The following RAB3C variants were observed in gnomAD, a reference collection of about 807,000 sequenced individuals.
The protein encoded by RAB3C is ras-related protein Rab-3C.
A neutral mutation model predicts 26.4 loss-of-function variants in RAB3C; 17 were observed. That is an observed-to-expected ratio of 0.64 (90% CI 0.44 to 0.97). The LOEUF (loss-of-function observed/expected upper bound fraction) is 0.97. Among genes scored for constraint, RAB3C ranks in the 50% least tolerant of loss-of-function variants. The probability of loss-of-function intolerance (pLI) is 0.00; values close to 1 mark genes in which losing one functional copy is unlikely to be tolerated. For missense variants in RAB3C, 242 were observed against 281.9 expected (o/e 0.86, Z 1.01); for synonymous variants, 91 against 95.9 (o/e 0.95, Z 0.30).
At chr5:58,618,972 G>T (rs542613257) in intron 2 of RAB3C, among the ~76,000 whole-genome samples, 2 of 152,000 alleles carry the variant, frequency 1.3e-5, no homozygotes, top group African/African-American at 2.4e-5. Flanking sequence ...CAAACAAATC[G>T]CAGAGTAGAG....
intron 2 of RAB3C, among the ~76,000 whole-genome samples, chr5:58,683,996 A>G (rs573059748): frequency 2.0e-5 from 3 of 152,310 alleles, no homozygotes; most frequent in African/African-American, 7.2e-5. Context: ...TTTATCATCA[A>G]TATGTACAGG....
chr5:58,632,785 C>T (rs896275438), intron 2 of RAB3C, among the ~76,000 whole-genome samples: 1 of 152,194 alleles, frequency 6.6e-6, no homozygotes, highest in African/African-American at 2.4e-5. Flanking sequence ...CTTTCCCTAC[C>T]AGCCTATTAC....
At chr5:58,790,096 T>C (rs1742488545) in intron 3 of RAB3C, among the ~76,000 whole-genome samples, 1 of 152,224 alleles carries the variant, frequency 6.6e-6, no homozygotes, top group South Asian at 2.1e-4. Flanking sequence ...TTCAGCTAAC[T>C]CTTAGCTATC....
At chr5:58,740,661 A>T (rs908095969) in intron 3 of RAB3C, among the ~76,000 whole-genome samples, 4 of 152,110 alleles carry the variant, frequency 2.6e-5, no homozygotes, top group African/African-American at 9.7e-5. Flanking sequence ...CTCTACTAAA[A>T]ATACAAAAAT....
In RAB3C at chr5:58,663,000, A is replaced by G. The variant is rs557146925; in HGVS notation, c.252+45130A>G. Among the ~76,000 whole-genome samples the G allele has an allele frequency of 5.3e-5, 8 of 150,456 alleles. No homozygotes were observed. In the South Asian group the frequency reaches 1.7e-3, roughly 31 times the overall value. ...TTCTTCCCTCAAGGAGAATATAAGC[A>G]CGGAATTGCTTGCCATTGAAGAAAG... On this transcript the variant is annotated intron_variant, in intron 2 of 4. Transcript: ENST00000282878.
chr5:58,659,309 G>A (rs1747847820), intron 2 of RAB3C, among the ~76,000 whole-genome samples: 1 of 152,098 alleles, frequency 6.6e-6, no homozygotes, highest in Non-Finnish European at 1.5e-5. Flanking sequence ...GAAATTATAT[G>A]TCTTCTTCTG....
chr5:58,606,405 A>G (rs191259783), intron 1 of RAB3C, among the ~76,000 whole-genome samples: 2 of 152,342 alleles, frequency 1.3e-5, no homozygotes, highest in East Asian at 3.9e-4. Context: ...CAAATTGGGC[A>G]GAGCCCACCG....
chr5:58,655,597 AT>A (rs967844843), intron 2 of RAB3C, among the ~76,000 whole-genome samples: 1 of 152,064 alleles, frequency 6.6e-6, no homozygotes, highest in South Asian at 2.1e-4. Context: ...AATTAACAAA[AT>A]TTTTTTTAAA....
chr5:58,662,098 G>A (rs963241349), intron 2 of RAB3C, among the ~76,000 whole-genome samples: 1 of 149,896 alleles, frequency 6.7e-6, no homozygotes, highest in Non-Finnish European at 1.5e-5. Context: ...ATCAGCTCTT[G>A]TGGGAGGTCT....
chr5:58,710,461 TG>T (rs1409467496), intron 2 of RAB3C, among the ~76,000 whole-genome samples: 1 of 151,714 alleles, frequency 6.6e-6, no homozygotes, highest in African/African-American at 2.4e-5. Flanking sequence ...TAGCCCAGCA[TG>T]GTGGCACACG....
intron 3 of RAB3C, among the ~76,000 whole-genome samples, chr5:58,739,863 C>T (rs764146167): frequency 1.1e-3 from 171 of 152,200 alleles, no homozygotes; most frequent in Non-Finnish European, 1.0e-3. Context: ...TATTTATAAA[C>T]ACCAAATGAT....
At chr5:58,814,171 G>A (rs1352198542) in intron 3 of RAB3C, among the ~76,000 whole-genome samples, 2 of 152,268 alleles carry the variant, frequency 1.3e-5, no homozygotes, top group African/African-American at 4.8e-5. Flanking sequence ...AGGCCCGAGC[G>A]AGTTTTCTTC....
chr5:58,689,448 C>A (rs1464293211), intron 2 of RAB3C: 1 of 151,990 alleles, frequency 6.6e-6, no homozygotes. Flanking sequence ...AGAGGGCATC[C>A]CATGAAGTAA....
chr5:58,723,591 G>C (rs1413953010), intron 2 of RAB3C, among the ~76,000 whole-genome samples: 2 of 151,762 alleles, frequency 1.3e-5, no homozygotes, highest in Non-Finnish European at 2.9e-5. Flanking sequence ...TGCTGTTCAT[G>C]GTGGGGTGTA....
At chr5:58,728,661 C>A (rs1275589644) in intron 3 of RAB3C, among the ~76,000 whole-genome samples, 5 of 151,912 alleles carry the variant, frequency 3.3e-5, no homozygotes, top group African/African-American at 1.2e-4. Context: ...ATATACAAGC[C>A]CAGACTCCAC....
intron 2 of RAB3C, among the ~76,000 whole-genome samples, chr5:58,683,736 G>A (rs1272405892): frequency 3.9e-5 from 6 of 152,110 alleles, no homozygotes; most frequent in African/African-American, 1.2e-4. Context: ...ATCCTGTCTA[G>A]GACATGAGTC....
At chr5:58,781,277 C>T (rs879506121) in intron 3 of RAB3C, among the ~76,000 whole-genome samples, 1 of 152,084 alleles carries the variant, frequency 6.6e-6, no homozygotes, top group Non-Finnish European at 1.5e-5. Context: ...TGATCTGCTG[C>T]TAGGTAGATA....
rs1747521278 is a variant in RAB3C, at chr5:58,646,452, G to A, written c.252+28582G>A. ...AATCTATTATACATAAGGTTTTCTCGGTGGAAAAAAAAAGAAAACATTAAC... is the reference window on the plus strand; with the variant it reads ...AATCTATTATACATAAGGTTTTCTCAGTGGAAAAAAAAAGAAAACATTAAC... On this transcript the variant is annotated intron_variant, in intron 2 of 4. Coordinates refer to ENST00000282878, the MANE Select transcript of RAB3C (RefSeq NM_138453.4). 4.6e-5 allele frequency among the ~76,000 whole-genome samples: 7 copies of A among 151,404 alleles called. No individual in the cohort carries two copies. The South Asian group carries it at 1.3e-3, about 27-fold the overall frequency.
At chr5:58,660,186 C>T (rs771817577) in intron 2 of RAB3C, among the ~76,000 whole-genome samples, 1 of 149,860 alleles carries the variant, frequency 6.7e-6, no homozygotes. Flanking sequence ...AATTTAATAC[C>T]CCCTTCCTAT....
Sources: gnomAD v4.1 joint callset for allele counts (sites outside exome capture counted in the v4.1 genomes callset) on GRCh38, gnomAD v4.1.1 for gene constraint, MANE v1.5 for transcripts, NCBI Gene and HGNC (gene_info 2026-07-23, HGNC 2026-07-21) for gene names.